The following CDH12 variants were observed in gnomAD, a reference collection of about 807,000 sequenced individuals.
The protein encoded by CDH12 is cadherin 12, also known as cadherin-12.
CDH12 carries 41 observed loss-of-function variants against 74.1 expected under a neutral mutation model. The observed-to-expected ratio is 0.55, with a 90% CI of 0.43 to 0.72. The LOEUF (loss-of-function observed/expected upper bound fraction) is 0.72, where lower values mean the gene tolerates loss of function less well. Among genes scored for constraint, CDH12 ranks in the 30% least tolerant of loss-of-function variants. The pLI is 0.00. For missense variants in CDH12, 945 were observed against 977.2 expected (o/e 0.97, Z 0.44); for synonymous variants, 399 against 355.0 (o/e 1.12, Z -1.39).
At chr5:22,306,637 C>T (rs182234299) in intron 3 of CDH12, among the ~76,000 whole-genome samples, 1 of 152,150 alleles carries the variant, frequency 6.6e-6, no homozygotes, top group East Asian at 1.9e-4. Flanking sequence ...ACACTTTGTG[C>T]TCAATAAATA....
rs180928404 is a variant in CDH12 at position 22,096,222 on chromosome 5, G to A, written c.-186-17360C>T. ...TGCTGCTTGACCCCAATACAAACTC[G>A]ACAGTAGTTCCAAATAGCCAAAAAA... On this transcript the variant is annotated intron_variant, in intron 4 of 14. Transcript: ENST00000382254. 2.3e-4 allele frequency among the ~76,000 whole-genome samples: 35 copies of A among 152,022 alleles called. No homozygotes were observed. In the East Asian group the frequency reaches 5.2e-3, roughly 23 times the overall value.
At chr5:22,507,220 T>C (rs1294508544) in intron 1 of CDH12, among the ~76,000 whole-genome samples, 1 of 152,288 alleles carries the variant, frequency 6.6e-6, no homozygotes, top group African/African-American at 2.4e-5. Flanking sequence ...TGAGGAGATA[T>C]ATACTGCTTT....
chr5:22,293,631 C>G (rs1361265383), intron 3 of CDH12, among the ~76,000 whole-genome samples: 1 of 152,036 alleles, frequency 6.6e-6, no homozygotes, highest in Admixed American at 6.6e-5. Flanking sequence ...TACACACACA[C>G]ACACACATAC....
In CDH12 at chr5:22,044,091, A is replaced by G. The variant is rs577411454; in HGVS notation, c.231+34355T>C. On this transcript the variant is annotated intron_variant, in intron 5 of 14. Coordinates refer to ENST00000382254, the MANE Select transcript of CDH12 (RefSeq NM_004061.5). Reference sequence around the variant, plus strand: ...TCAAAGACATAGAAAAAAATCCTAAAAATCACATGGAACCACAAAAAATTC... The same window carrying G: ...TCAAAGACATAGAAAAAAATCCTAAGAATCACATGGAACCACAAAAAATTC... 3.3e-5 allele frequency among the ~76,000 whole-genome samples: 5 copies of G among 152,332 alleles called. No individual in the cohort carries two copies. In the South Asian group the frequency reaches 1.0e-3, roughly 32 times the overall value.
chr5:22,238,175 A>C (rs1752624073), intron 3 of CDH12, among the ~76,000 whole-genome samples: 1 of 152,194 alleles, frequency 6.6e-6, no homozygotes, highest in African/African-American at 2.4e-5. Flanking sequence ...TAAGCAGCAC[A>C]GCACAGCTAT....
intron 3 of CDH12, among the ~76,000 whole-genome samples, chr5:22,336,255 A>G (rs1398981257): frequency 2.0e-5 from 3 of 152,232 alleles, no homozygotes; most frequent in African/African-American, 7.2e-5. Context: ...AAAGGGAAAC[A>G]GAGTATAAAA....
At position 22,447,985 on chromosome 5, in the gene CDH12, T is replaced by TAAA. The variant is rs10660558; in HGVS notation, c.-427-42637_-427-42635dup. ...ATGAGGCCTCCTTTCTACAAGAAAT[T>TAAA]AAAAAAAAAAAAAAAAAAAAGCCAG... is the stretch of plus-strand genomic sequence containing the variant. On this transcript the variant is annotated intron_variant, in intron 2 of 14. Coordinates refer to ENST00000382254, the MANE Select transcript of CDH12 (RefSeq NM_004061.5). Among the ~76,000 whole-genome samples, 27 of 84,464 alleles carry TAAA rather than the reference T, an allele frequency of 3.2e-4. 1 individual carries two copies. The highest frequency in any genetic ancestry group is 9.7e-4 in the African/African-American group (20 of 20,582). The allele number at this position is 84,464 out of a possible 152,430, so 55.4% of individuals were successfully genotyped here.
chr5:22,292,035 G>A (rs1047237610), intron 3 of CDH12, among the ~76,000 whole-genome samples: 1 of 152,048 alleles, frequency 6.6e-6, no homozygotes, highest in East Asian at 1.9e-4. Flanking sequence ...ATAACAGAGA[G>A]CTCAGAAATA....
At chr5:22,051,714 C>T (rs542086497) in intron 5 of CDH12, among the ~76,000 whole-genome samples, 65 of 152,048 alleles carry the variant, frequency 4.3e-4, no homozygotes, top group Non-Finnish European at 7.8e-4. Context: ...AGTATTTCTC[C>T]TCCCCTGATC....
chr5:21,893,955 A>G (rs1010602041), intron 6 of CDH12, among the ~76,000 whole-genome samples: 4 of 152,230 alleles, frequency 2.6e-5, no homozygotes, highest in African/African-American at 9.6e-5. Flanking sequence ...TTAATTAATT[A>G]TTCGCTGAAG....
chr5:22,846,900 G>A (rs1477807472), intron 1 of CDH12, among the ~76,000 whole-genome samples: 1 of 152,042 alleles, frequency 6.6e-6, no homozygotes, highest in East Asian at 1.9e-4. Context: ...TTAATTGTCA[G>A]CAAAATGTAA....
intron 5 of CDH12, among the ~76,000 whole-genome samples, chr5:22,016,679 C>A (rs1187879072): frequency 6.6e-6 from 1 of 152,060 alleles, no homozygotes; most frequent in Non-Finnish European, 1.5e-5. Flanking sequence ...AGCCACCATG[C>A]CCGGCCTTGT....
At chr5:22,327,338 T>A (rs1739157726) in intron 3 of CDH12, among the ~76,000 whole-genome samples, 1 of 152,108 alleles carries the variant, frequency 6.6e-6, no homozygotes, top group Non-Finnish European at 1.5e-5. Context: ...AAATGGTAAT[T>A]TTTTTCATAA....
intron 3 of CDH12, among the ~76,000 whole-genome samples, chr5:22,321,523 T>A (rs938467634): frequency 7.3e-6 from 1 of 137,614 alleles, no homozygotes; most frequent in Non-Finnish European, 1.5e-5. Flanking sequence ...AGGGATAGCA[T>A]TGGGAGATAT....
At position 21,924,872 on chromosome 5, in the gene CDH12, G is replaced by A. The variant is rs1161052519; in HGVS notation, c.526+50219C>T. ...TCCTCAGAATTTTCCATTGATACTAGAAATAACTATATTATTTGAGATACT... is the reference window on the plus strand; with the variant it reads ...TCCTCAGAATTTTCCATTGATACTAAAAATAACTATATTATTTGAGATACT... On this transcript the variant is annotated intron_variant, in intron 6 of 14. Coordinates refer to ENST00000382254, the MANE Select transcript of CDH12 (RefSeq NM_004061.5). Among the ~76,000 whole-genome samples the A allele has an allele frequency of 2.0e-5, 3 of 152,080 alleles. No individual in the cohort carries two copies. The South Asian group carries it at 6.2e-4, about 32-fold the overall frequency.
At chr5:21,829,305 T>A (rs1303643444) in intron 8 of CDH12, among the ~76,000 whole-genome samples, 1 of 151,364 alleles carries the variant, frequency 6.6e-6, no homozygotes, top group Non-Finnish European at 1.5e-5. Flanking sequence ...CATTTCAAAA[T>A]AAAAAACAAA....
chr5:22,308,212 A>C (rs1274592718), intron 3 of CDH12, among the ~76,000 whole-genome samples: 1 of 152,078 alleles, frequency 6.6e-6, no homozygotes, highest in Non-Finnish European at 1.5e-5. Context: ...GAGATTCTAG[A>C]AAAGCAGAGA....
chr5:22,287,276 A>T (rs1737181641), intron 3 of CDH12, among the ~76,000 whole-genome samples: 1 of 152,188 alleles, frequency 6.6e-6, no homozygotes, highest in Non-Finnish European at 1.5e-5. Context: ...GGAATGCGAA[A>T]TAATATTAGC....
At chr5:22,497,310 C>T (rs535494604) in intron 2 of CDH12, among the ~76,000 whole-genome samples, 1 of 152,186 alleles carries the variant, frequency 6.6e-6, no homozygotes, top group Non-Finnish European at 1.5e-5. Context: ...TGTTCAGTTA[C>T]TGGCAAAGCT....
Sources: allele counts gnomAD v4.1 joint callset (sites outside exome capture counted in the v4.1 genomes callset), GRCh38; gene constraint gnomAD v4.1.1; transcripts MANE v1.5; gene names NCBI Gene and HGNC (gene_info 2026-07-23, HGNC 2026-07-21).